LIPC: variants seen among roughly 807,000 people sequenced by gnomAD.
LIPC encodes the protein hepatic triacylglycerol lipase.
Under a neutral mutation model 50.7 loss-of-function variants are expected in LIPC, and 44 were observed. That is an observed-to-expected ratio of 0.87 (90% CI 0.68 to 1.11). LIPC has a LOEUF of 1.11. Among genes scored for constraint, LIPC ranks in the 50% most tolerant of loss-of-function variants. The pLI is 0.00. For synonymous variants in LIPC, 271 were observed against 256.4 expected (o/e 1.06, Z -0.54); for missense variants, 697 against 648.2 (o/e 1.08, Z -0.82).
intron 1 of LIPC, among the ~76,000 whole-genome samples, chr15:58,528,853 G>A (rs1177425884): frequency 6.6e-6 from 1 of 152,140 alleles, no homozygotes; most frequent in African/African-American, 2.4e-5. Flanking sequence ...GGACGGAGTG[G>A]CCCTGATTTT....
chr15:58,476,315 G>A (rs1890997489), intron 1 of LIPC, among the ~76,000 whole-genome samples: 1 of 152,254 alleles, frequency 6.6e-6, no homozygotes, highest in African/African-American at 2.4e-5. Context: ...ATATCCAGGG[G>A]AAACACATGG....
intron 1 of LIPC, among the ~76,000 whole-genome samples, chr15:58,448,825 G>C (rs993683856): frequency 6.6e-6 from 1 of 152,394 alleles, no homozygotes; most frequent in Admixed American, 6.5e-5. Context: ...AGAGTGGCAA[G>C]TAGTAACTAA....
intron 1 of LIPC, among the ~76,000 whole-genome samples, chr15:58,491,284 G>C (rs1213396969): frequency 2.6e-5 from 4 of 152,138 alleles, no homozygotes; most frequent in Non-Finnish European, 5.9e-5. Flanking sequence ...CCATAGAGTG[G>C]TCAGAGCATG....
chr15:58,541,234 G>A (rs1893309787), intron 2 of LIPC, among the ~76,000 whole-genome samples: 1 of 152,112 alleles, frequency 6.6e-6, no homozygotes, highest in Non-Finnish European at 1.5e-5. Context: ...ACAATTCTCT[G>A]TAAACATTTT....
At chr15:58,502,956 T>TTA (rs1555402191) in intron 1 of LIPC, among the ~76,000 whole-genome samples, 1 of 140,522 alleles carries the variant, frequency 7.1e-6, no homozygotes, top group Non-Finnish European at 1.5e-5. Flanking sequence ...AAACATTGTT[T>TTA]AAAAAAAAAA....
At chr15:58,436,872 C>T (rs1367837110) in intron 1 of LIPC, 13 of 456,098 alleles carry the variant, frequency 2.9e-5, no homozygotes, top group Admixed American at 2.6e-4. Flanking sequence ...TGATAAAGTA[C>T]ATGTGCTTTT....
At chr15:58,499,918 G>A (rs148802363) in intron 1 of LIPC, among the ~76,000 whole-genome samples, 48 of 152,292 alleles carry the variant, frequency 3.2e-4, no homozygotes, top group East Asian at 1.2e-3. Context: ...TCAGGATCAC[G>A]AATCAGGGAG....
chr15:58,468,686 C>T (rs2140732546), intron 1 of LIPC, among the ~76,000 whole-genome samples: 1 of 152,210 alleles, frequency 6.6e-6, no homozygotes, highest in East Asian at 1.9e-4. Flanking sequence ...TCATTAGAAT[C>T]ATCTAGGGAA....
intron 1 of LIPC, among the ~76,000 whole-genome samples, chr15:58,512,772 G>A (rs1327530112): frequency 1.3e-5 from 2 of 152,062 alleles, no homozygotes; most frequent in African/African-American, 4.8e-5. Flanking sequence ...GGTAGGAGGC[G>A]GGGAAAGGGG....
At chr15:58,446,943 T>C (rs976020672) in intron 1 of LIPC, among the ~76,000 whole-genome samples, 1 of 151,378 alleles carries the variant, frequency 6.6e-6, no homozygotes, top group Non-Finnish European at 1.5e-5. Context: ...AGGTTAGGAG[T>C]TGGAGACCAG....
At chr15:58,467,624 C>G (rs1211934002) in intron 1 of LIPC, among the ~76,000 whole-genome samples, 4 of 152,144 alleles carry the variant, frequency 2.6e-5, no homozygotes, top group Non-Finnish European at 5.9e-5. Context: ...TGCTCGGCTA[C>G]TTTTTCCTCC....
chr15:58,542,593 C>A lies in LIPC; in HGVS notation c.516C>A (p.His172Gln). Residue 172 changes from histidine (H) to glutamine (Q), a missense_variant, in exon 4 of 9, where the codon CAC (histidine) becomes CAA (glutamine). By Grantham distance (24) the His-to-Gln change is conservative. Coordinates refer to ENST00000299022, the MANE Select transcript of LIPC (RefSeq NM_000236.3). ...VHLIGYSLGA[H>Q]VSGFAGSSIG... Reference sequence around the variant, plus strand: ...TAATTGGGTACAGCCTGGGTGCACACGTGTCAGGATTTGCCGGCAGTTCCA... The same window carrying A: ...TAATTGGGTACAGCCTGGGTGCACAAGTGTCAGGATTTGCCGGCAGTTCCA... 6.2e-7 allele frequency: 1 copy of A among 1,613,864 alleles called. No homozygotes were observed. Among genetic ancestry groups the A allele is most frequent in the South Asian group, 1.1e-5 (1 of 91,084 alleles).
intron 1 of LIPC, among the ~76,000 whole-genome samples, chr15:58,511,768 C>T (rs1892336449): frequency 6.6e-6 from 1 of 152,170 alleles, no homozygotes; most frequent in Non-Finnish European, 1.5e-5. Flanking sequence ...GTGTGGTTTA[C>T]ATTTGGAAAA....
intron 1 of LIPC, among the ~76,000 whole-genome samples, chr15:58,474,593 G>T (rs1890927071): frequency 6.6e-6 from 1 of 151,608 alleles, no homozygotes; most frequent in African/African-American, 2.4e-5. Context: ...TAATTTATCA[G>T]CATTTTGTAG....
At chr15:58,440,818 GA>G (rs201884460) in intron 1 of LIPC, among the ~76,000 whole-genome samples, 1 of 151,840 alleles carries the variant, frequency 6.6e-6, no homozygotes, top group Non-Finnish European at 1.5e-5. Flanking sequence ...TAAGCAGAGG[GA>G]AAAAAAACAT....
At chr15:58,511,072 A>G (rs1016857510) in intron 1 of LIPC, among the ~76,000 whole-genome samples, 4 of 152,204 alleles carry the variant, frequency 2.6e-5, no homozygotes, top group African/African-American at 9.7e-5. Context: ...CTTCCCTAAC[A>G]TAACTCAGCT....
intron 1 of LIPC, among the ~76,000 whole-genome samples, chr15:58,490,762 C>T (rs769568546): frequency 2.6e-5 from 4 of 152,130 alleles, no homozygotes; most frequent in Admixed American, 6.5e-5. Flanking sequence ...CCAGGCGACA[C>T]GGAAAGGGAG....
At chr15:58,568,634 G>C in intron 8 of LIPC, 82 bp from the exon 9 acceptor site, 2 of 828,942 alleles carry the variant, frequency 2.4e-6, no homozygotes, top group Non-Finnish European at 4.1e-6. Flanking sequence ...CACAAATTGA[G>C]TGAAATTTGA....
At chr15:58,479,587 A>C (rs1339486669) in intron 1 of LIPC, among the ~76,000 whole-genome samples, 1 of 152,228 alleles carries the variant, frequency 6.6e-6, no homozygotes. Context: ...TTCCTTAATA[A>C]TGTCAATGCA....
Sources: gnomAD v4.1 joint callset for allele counts (sites outside exome capture counted in the v4.1 genomes callset) on GRCh38, gnomAD v4.1.1 for gene constraint, MANE v1.5 for transcripts, NCBI Gene and HGNC (gene_info 2026-07-23, HGNC 2026-07-21) for gene names.